PGAP4: variants seen among roughly 807,000 people sequenced by gnomAD.
PGAP4 encodes the protein GPI-N-acetylgalactosamine transferase PGAP4.
PGAP4 carries 12 observed loss-of-function variants against 28.2 expected under a neutral mutation model. The observed-to-expected ratio is 0.42, with a 90% CI of 0.27 to 0.69. The LOEUF (loss-of-function observed/expected upper bound fraction) is 0.69, where lower values mean the gene tolerates loss of function less well. PGAP4 is among the 30% of genes least tolerant of loss of function. PGAP4 has a pLI of 0.22. For missense variants in PGAP4, 425 were observed against 513.5 expected (o/e 0.83, Z 1.67); for synonymous variants, 205 against 211.8 (o/e 0.97, Z 0.28).
intron 2 of PGAP4, among the ~76,000 whole-genome samples, chr9:101,495,816 A>G (rs1826742187): frequency 6.6e-6 from 1 of 150,678 alleles, no homozygotes. Flanking sequence ...TTTTTTTTTT[A>G]AGGCCAGTTA....
intron 2 of PGAP4, among the ~76,000 whole-genome samples, chr9:101,498,853 A>T (rs1385992330): frequency 6.6e-6 from 1 of 152,030 alleles, no homozygotes; most frequent in African/African-American, 2.4e-5. Flanking sequence ...GCTTTTAATT[A>T]GCTATCTTGT....
At position 101,476,629 on chromosome 9, in the gene PGAP4, G is replaced by A; in HGVS notation, c.464C>T (p.Ala155Val). 1 of 1,614,200 alleles carries A rather than the reference G, an allele frequency of 6.2e-7. No individual in the cohort carries two copies. Among genetic ancestry groups the A allele is most frequent in the Non-Finnish European group, 8.5e-7 (1 of 1,180,048 alleles). Residue 155 changes from alanine to valine, a missense_variant, in exon 2 of 2, where the codon GCC (alanine) becomes GTC (valine). Coordinates refer to ENST00000374848, the MANE Select transcript of PGAP4 (RefSeq NM_032342.3). The surrounding 1 kb of genome is among the most constrained non-coding windows in gnomAD (Gnocchi z 7.0). ...NVERSVSHFD[A>V]KLLSKYVPVA... Reference sequence around the variant, plus strand: ...AGGGACATACTTGGAGAGCAACTTGGCATCAAAATGGCTCACACTACGCTC... The same window carrying A: ...AGGGACATACTTGGAGAGCAACTTGACATCAAAATGGCTCACACTACGCTC...
intron 2 of PGAP4, among the ~76,000 whole-genome samples, chr9:101,492,256 C>A (rs545979757): frequency 1.1e-4 from 16 of 151,774 alleles, no homozygotes; most frequent in African/African-American, 3.9e-4. Context: ...TGCAGTGGCA[C>A]GATCTCGGCT....
intron 1 of PGAP4, among the ~76,000 whole-genome samples, chr9:101,479,101 G>T (rs998724608): frequency 2.8e-5 from 3 of 106,282 alleles, no homozygotes; most frequent in African/African-American, 1.2e-4. Flanking sequence ...GGAGAGGTTT[G>T]AATTATGCAA....
At chr9:101,505,537 C>A (rs1029787991) in intron 2 of PGAP4, among the ~76,000 whole-genome samples, 16 of 151,974 alleles carry the variant, frequency 1.1e-4, no homozygotes, top group African/African-American at 3.9e-4. Flanking sequence ...GCCTACTGAC[C>A]CTCTGTCTGA....
intron 1 of PGAP4, among the ~76,000 whole-genome samples, chr9:101,478,550 C>T (rs1184427685): frequency 6.6e-6 from 1 of 152,206 alleles, no homozygotes; most frequent in African/African-American, 2.4e-5. Context: ...ACCTCATTTC[C>T]TAGTTTGCCT....
intron 2 of PGAP4, among the ~76,000 whole-genome samples, chr9:101,520,027 T>A (rs987493838): frequency 6.6e-6 from 1 of 152,254 alleles, no homozygotes; most frequent in Non-Finnish European, 1.5e-5. Flanking sequence ...ATAAGTTGAC[T>A]GTATTTGGCT....
intron 2 of PGAP4, among the ~76,000 whole-genome samples, chr9:101,512,698 C>A (rs1826908054): frequency 6.6e-6 from 1 of 152,158 alleles, no homozygotes; most frequent in Non-Finnish European, 1.5e-5. Context: ...ACAACAACAA[C>A]AATAATACAC....
intron 2 of PGAP4, among the ~76,000 whole-genome samples, chr9:101,505,936 C>A (rs960936540): frequency 5.9e-5 from 9 of 152,110 alleles, no homozygotes; most frequent in African/African-American, 1.9e-4. Context: ...AAACAAAGAG[C>A]TTCCAAATAT....
At position 101,496,140 on chromosome 9, in the gene PGAP4, A is replaced by G. The variant is rs375386013; in HGVS notation, c.-164-6940T>C. 9.2e-5 allele frequency among the ~76,000 whole-genome samples: 14 copies of G among 151,692 alleles called. No homozygotes were observed. In the East Asian group the frequency reaches 1.7e-3, roughly 19 times the overall value. ...AGCCAAGACTAAAGAATCAAGTTACACTGGAGGAAAATATTGTTTTTTTAG... is the reference window on the plus strand; with the variant it reads ...AGCCAAGACTAAAGAATCAAGTTACGCTGGAGGAAAATATTGTTTTTTTAG... On this transcript the variant is annotated intron_variant, in intron 2 of 3. Coordinates refer to the PGAP4 transcript ENST00000374851.
intron 2 of PGAP4, among the ~76,000 whole-genome samples, chr9:101,521,909 T>C (rs997110708): frequency 1.3e-5 from 2 of 152,166 alleles, no homozygotes; most frequent in Admixed American, 1.3e-4. Flanking sequence ...TGATAGATTG[T>C]GTCATTATTG....
At chr9:101,495,185 T>C (rs1413197770) in intron 2 of PGAP4, among the ~76,000 whole-genome samples, 1 of 103,948 alleles carries the variant, frequency 9.6e-6, no homozygotes, top group African/African-American at 3.6e-5. Context: ...ATATATTTTT[T>C]GTATAATATA....
At chr9:101,513,413 T>A (rs958537530) in intron 2 of PGAP4, among the ~76,000 whole-genome samples, 4 of 152,182 alleles carry the variant, frequency 2.6e-5, no homozygotes, top group Admixed American at 1.3e-4. Context: ...ACAGTAAAAC[T>A]TTGATTAGCC....
intron 2 of PGAP4, among the ~76,000 whole-genome samples, chr9:101,513,387 C>T (rs1038445260): frequency 5.3e-5 from 8 of 152,158 alleles, no homozygotes; most frequent in Admixed American, 1.3e-4. Context: ...AAAATATGTT[C>T]TAATCTATTT....
chr9:101,512,572 A>T (rs1272457704), intron 2 of PGAP4, among the ~76,000 whole-genome samples: 1 of 152,172 alleles, frequency 6.6e-6, no homozygotes, highest in Non-Finnish European at 1.5e-5. Flanking sequence ...TTTAAACTAA[A>T]TTGGTTGAAA....
At chr9:101,503,398 A>C (rs1256799656) in intron 2 of PGAP4, among the ~76,000 whole-genome samples, 2 of 152,048 alleles carry the variant, frequency 1.3e-5, no homozygotes, top group African/African-American at 4.8e-5. Context: ...GCTATTAAAC[A>C]ATCCAATATG....
rs1440479860 is a variant in PGAP4 at position 101,486,485 on chromosome 9, G to C, written c.-78+464C>G. Among the ~76,000 whole-genome samples, 2 of 152,180 alleles carry C rather than the reference G, an allele frequency of 1.3e-5. No individual in the cohort carries two copies. The highest frequency in any genetic ancestry group is 4.8e-5 in the African/African-American group (2 of 41,454). Reference sequence around the variant, plus strand: ...GGCGAACCTAAGGTGTGGACGCGCCGCGAGGGTCCCCTGCTTGCGGGCGGC... The same window carrying C: ...GGCGAACCTAAGGTGTGGACGCGCCCCGAGGGTCCCCTGCTTGCGGGCGGC... On this transcript the variant is annotated intron_variant, in intron 1 of 1. Transcript: ENST00000374848. The surrounding 1 kb of genome is among the most constrained non-coding windows in gnomAD (Gnocchi z 4.7).
intron 2 of PGAP4, among the ~76,000 whole-genome samples, chr9:101,526,587 C>G (rs531433879): frequency 3.3e-5 from 5 of 152,212 alleles, no homozygotes; most frequent in African/African-American, 9.6e-5. Flanking sequence ...GTAGCTGAGA[C>G]TACAGGTATG....
intron 2 of PGAP4, among the ~76,000 whole-genome samples, chr9:101,528,303 T>A (rs1827053846): frequency 6.6e-6 from 1 of 152,014 alleles, no homozygotes; most frequent in African/African-American, 2.4e-5. Flanking sequence ...TGGGGAGGGG[T>A]CTCTAATATG....
Sources: gnomAD v4.1 joint callset for allele counts (sites outside exome capture counted in the v4.1 genomes callset) on GRCh38, gnomAD v4.1.1 for gene constraint, Gnocchi (gnomAD v3.1) non-coding constraint, MANE v1.5 for transcripts, NCBI Gene and HGNC (gene_info 2026-07-23, HGNC 2026-07-21) for gene names.